The following DMD variants were observed in gnomAD, a reference collection of about 807,000 sequenced individuals.
DMD encodes the protein dystrophin.
A neutral mutation model predicts 330.1 loss-of-function variants in DMD; 63 were observed. That is an observed-to-expected ratio of 0.19 (90% confidence interval 0.16 to 0.24). The LOEUF is 0.24. DMD is among the 10% of genes least tolerant of loss of function. The probability of loss-of-function intolerance (pLI) is 1.00; values close to 1 mark genes in which losing one functional copy is unlikely to be tolerated. For synonymous variants in DMD, 1,223 were observed against 959.8 expected, an observed-to-expected ratio of 1.27 and a Z score of -5.07; for missense variants, 3,344 against 2,684.1, an observed-to-expected ratio of 1.25 and a Z score of -5.43.
At chrX:32,801,427 G>C (rs1009874695) in intron 7 of DMD, among the ~76,000 whole-genome samples, 1 of 111,524 alleles carries the variant, frequency 9.0e-6, no homozygotes, top group Non-Finnish European at 1.9e-5. Context: ...TTGTCAGATA[G>C]ATAGATTGCA....
At chrX:32,879,281 G>T (rs1403226043) in intron 2 of DMD, among the ~76,000 whole-genome samples, 2 of 111,318 alleles carry the variant, frequency 1.8e-5, no homozygotes, top group Non-Finnish European at 1.9e-5. Flanking sequence ...TTCTTGGGCC[G>T]CTGGGAAGCC....
chrX:33,264,714 T>G (rs1277569769), intron 1 of DMD, among the ~76,000 whole-genome samples: 1 of 17,918 alleles, frequency 5.6e-5, no homozygotes, highest in Non-Finnish European at 4.6e-4. Flanking sequence ...AGATAAAGGT[T>G]TTTTTTTTAC....
chrX:32,089,076 A>G (rs1006239152), intron 44 of DMD, among the ~76,000 whole-genome samples: 11 of 111,585 alleles, frequency 9.9e-5, no homozygotes, highest in Non-Finnish European at 1.7e-4. Context: ...ATTGATGTGT[A>G]GTAAAATCCG....
At chrX:31,972,890 T>C (rs963017026) in intron 44 of DMD, among the ~76,000 whole-genome samples, 7 of 111,674 alleles carry the variant, frequency 6.3e-5, no homozygotes, top group African/African-American at 2.3e-4. Flanking sequence ...GTCATTCTCA[T>C]TGTGTCTCTT....
chrX:33,152,229 G>T (rs2048311250), intron 1 of DMD, among the ~76,000 whole-genome samples: 1 of 109,050 alleles, frequency 9.2e-6, no homozygotes, highest in African/African-American at 3.4e-5. Context: ...GAGTGCAGTG[G>T]CCCAATCTTG....
intron 17 of DMD, among the ~76,000 whole-genome samples, chrX:32,526,220 C>T (rs896351335): frequency 1.8e-5 from 2 of 111,908 alleles, no homozygotes; most frequent in African/African-American, 6.5e-5. Context: ...ACTTCTCATT[C>T]TCTGTTCACA....
At chrX:32,495,143 G>A (rs1474836434) in intron 19 of DMD, among the ~76,000 whole-genome samples, 3 of 112,002 alleles carry the variant, frequency 2.7e-5, no homozygotes, top group South Asian at 3.7e-4. Flanking sequence ...AAAATCAGAA[G>A]TCTTGCTATG....
intron 1 of DMD, among the ~76,000 whole-genome samples, chrX:33,156,889 G>A (rs769812503): frequency 6.3e-5 from 7 of 111,376 alleles, no homozygotes; most frequent in African/African-American, 2.3e-4. Context: ...CAATTCAAAC[G>A]TTTGGGTACC....
chrX:32,685,911 GTGT>G lies in DMD; in HGVS notation c.960+11956_960+11958del, dbSNP rs775638987. On this transcript the variant is annotated intron_variant, in intron 9 of 78. Transcript: ENST00000357033. ...AACAAAATATGTGACCGTTAATTAT[GTGT>G]TGATTTTAAAGTCACTCTAATTATT... Among the ~76,000 whole-genome samples, 7 of 111,870 alleles carry G rather than the reference GTGT, an allele frequency of 6.3e-5. No individual in the cohort carries two copies. The East Asian group carries it at 2.0e-3, about 31-fold the overall frequency.
chrX:32,658,896 A>G (rs2060767598), intron 9 of DMD, among the ~76,000 whole-genome samples: 1 of 112,001 alleles, frequency 8.9e-6, no homozygotes, highest in South Asian at 3.6e-4. Flanking sequence ...GTGTACTTGA[A>G]CTTGGCAAAG....
chrX:31,370,095 T>C (rs1217285384), intron 60 of DMD, among the ~76,000 whole-genome samples: 4 of 56,597 alleles, frequency 7.1e-5, no homozygotes, highest in Admixed American at 2.2e-4. Flanking sequence ...CGAGGCTCCG[T>C]CTCAAAAAAA....
chrX:33,193,929 A>C (rs5971694), intron 1 of DMD, among the ~76,000 whole-genome samples: 1 of 109,792 alleles, frequency 9.1e-6, no homozygotes, highest in Non-Finnish European at 1.9e-5. Context: ...GGAAATATTC[A>C]AAACTCTATG....
rs771970319 is a variant in DMD, at chrX:32,653,395, C to A, written c.961-8243G>T. On this transcript the variant is annotated intron_variant, in intron 9 of 78. Transcript: ENST00000357033. ...ACATATGGCTAGCCAGTTTTCCCAG[C>A]ACCATTTATTAAATAGGGAATCCTT... Among the ~76,000 whole-genome samples the A allele has an allele frequency of 3.7e-3, 418 of 111,963 alleles. 2 individuals carry two copies. Among genetic ancestry groups the A allele is most frequent in the African/African-American group, 0.013 (404 of 30,790 alleles).
chrX:32,088,793 C>T (rs2096457264), intron 44 of DMD, among the ~76,000 whole-genome samples: 1 of 109,942 alleles, frequency 9.1e-6, no homozygotes, highest in South Asian at 3.9e-4. Context: ...TGGCCTTGAT[C>T]CTTTCCTTTT....
intron 2 of DMD, among the ~76,000 whole-genome samples, chrX:32,891,472 C>T (rs911644819): frequency 2.7e-5 from 3 of 112,161 alleles, no homozygotes; most frequent in African/African-American, 9.7e-5. Context: ...TCTAGTTTTC[C>T]TTTTCTTTCC....
intron 13 of DMD, among the ~76,000 whole-genome samples, chrX:32,575,054 T>C (rs756888436): frequency 9.0e-6 from 1 of 110,526 alleles, no homozygotes; most frequent in Admixed American, 9.6e-5. Flanking sequence ...TCCACCACCA[T>C]GTCTGGCTAA....
At chrX:32,709,024 T>A (rs183560770) in intron 7 of DMD, among the ~76,000 whole-genome samples, 192 of 112,199 alleles carry the variant, frequency 1.7e-3, no homozygotes, top group African/African-American at 6.0e-3. Context: ...GGCATGCTGA[T>A]GAAACACACC....
At chrX:32,528,096 G>T (rs1440723295) in intron 17 of DMD, among the ~76,000 whole-genome samples, 1 of 111,879 alleles carries the variant, frequency 8.9e-6, no homozygotes, top group African/African-American at 3.3e-5. Context: ...TTCACTTGAG[G>T]TCAGGAGTTC....
chrX:31,348,345 G>A lies in DMD; in HGVS notation c.9163+211C>T, dbSNP rs1450269643. On this transcript the variant is annotated intron_variant, in intron 61 of 78. Transcript: ENST00000357033. The stretch of plus-strand genomic sequence containing the variant: ...TAGTGCAGGAAACAATTATGCATTA[G>A]CTGAAGACTGGACAAAATGATCCAA... 9.0e-6 allele frequency: 4 copies of A among 444,499 alleles called. No homozygotes were observed. In the African/African-American group the frequency reaches 9.9e-5, roughly 11 times the overall value. 36.6% of individuals were successfully genotyped at this position (444,499 alleles called of 1,213,427 possible). A position where few individuals can be genotyped will look rare whatever the true frequency, so the allele number is the denominator to read the frequency against.
Sources: allele counts gnomAD v4.1 joint callset (sites outside exome capture counted in the v4.1 genomes callset), GRCh38; gene constraint gnomAD v4.1.1; transcripts MANE v1.5; gene names NCBI Gene and HGNC (gene_info 2026-07-23, HGNC 2026-07-21).